Variants in MCPH1 observed in about 807,000 individuals in gnomAD.
The protein encoded by MCPH1 is microcephalin.
In MCPH1, 104 loss-of-function variants were observed where a neutral mutation model predicts 84.5. That is an observed-to-expected ratio of 1.23 (90% confidence interval 1.05 to 1.45). MCPH1 has a LOEUF of 1.45. Among genes scored for constraint, MCPH1 ranks in the 40% most tolerant of loss-of-function variants. The pLI is 0.00. For synonymous variants in MCPH1, 514 were observed against 366.8 expected (o/e 1.40, Z -4.58); for missense variants, 1,498 against 1,005.7 (o/e 1.49, Z -6.62).
chr8:6,487,786 A>T (rs1383527197), intron 11 of MCPH1, among the ~76,000 whole-genome samples: 1 of 152,196 alleles, frequency 6.6e-6, no homozygotes, highest in Non-Finnish European at 1.5e-5. Flanking sequence ...ACCTTGGTAA[A>T]GGACTTTATA....
At chr8:6,565,492 A>G (rs1000014087) in intron 12 of MCPH1, among the ~76,000 whole-genome samples, 3 of 152,130 alleles carry the variant, frequency 2.0e-5, no homozygotes, top group African/African-American at 4.8e-5. Context: ...AACTCCTGGC[A>G]TCCAATGATC....
At chr8:6,566,555 C>G (rs1209548204) in intron 12 of MCPH1, among the ~76,000 whole-genome samples, 1 of 152,176 alleles carries the variant, frequency 6.6e-6, no homozygotes, top group South Asian at 2.1e-4. Flanking sequence ...ATTAACAGGG[C>G]ACACAGCACG....
intron 12 of MCPH1, among the ~76,000 whole-genome samples, chr8:6,583,138 A>C (rs893152610): frequency 6.6e-6 from 1 of 152,074 alleles, no homozygotes; most frequent in Admixed American, 6.5e-5. Flanking sequence ...GCCTCGCTGA[A>C]TATTAGAGGC....
At chr8:6,412,639 C>G (rs1205279161) in intron 2 of MCPH1, among the ~76,000 whole-genome samples, 6 of 152,110 alleles carry the variant, frequency 3.9e-5, no homozygotes, top group Admixed American at 1.3e-4. Flanking sequence ...ACCCCCTTGT[C>G]TCTTTGAGGC....
chr8:6,581,019 A>G (rs1208681384), intron 12 of MCPH1, among the ~76,000 whole-genome samples: 1 of 152,260 alleles, frequency 6.6e-6, no homozygotes, highest in African/African-American at 2.4e-5. Context: ...AACTATTTAC[A>G]TAGCATTTAC....
intron 12 of MCPH1, among the ~76,000 whole-genome samples, chr8:6,608,640 G>A (rs563794621): frequency 2.6e-4 from 39 of 152,142 alleles, no homozygotes; most frequent in Non-Finnish European, 4.4e-4. Context: ...CATTAGAATC[G>A]TCTGGGGAGA....
rs182345135 is a variant in MCPH1, at chr8:6,448,412, C to T, written c.1825+2865C>T. ...AAGGAGGTTGGAGAGGGGTAAGAGC[C>T]AGAGCTTTGGGACCTTCAGTCTCTG... On this transcript the variant is annotated intron_variant, in intron 8 of 13. Coordinates refer to ENST00000344683, the MANE Select transcript of MCPH1 (RefSeq NM_024596.5). Among the ~76,000 whole-genome samples, 576 of 152,294 alleles carry T rather than the reference C, an allele frequency of 3.8e-3. 2 individuals carry two copies. Among genetic ancestry groups the T allele is most frequent in the Non-Finnish European group, 6.9e-3 (472 of 68,028 alleles).
chr8:6,462,991 G>A (rs1264918674), intron 9 of MCPH1, among the ~76,000 whole-genome samples: 1 of 152,158 alleles, frequency 6.6e-6, no homozygotes, highest in Non-Finnish European at 1.5e-5. Context: ...TAATGAAAAT[G>A]ACCCTCAAAA....
At chr8:6,573,942 T>A (rs1036763995) in intron 12 of MCPH1, among the ~76,000 whole-genome samples, 1 of 152,206 alleles carries the variant, frequency 6.6e-6, no homozygotes, top group Admixed American at 6.5e-5. Context: ...TCCCCTAGGT[T>A]TGTGGAAGAA....
rs924619637 is a variant in MCPH1, at chr8:6,613,839, G to T, written c.2215-7615G>T. 5.9e-5 allele frequency among the ~76,000 whole-genome samples: 9 copies of T among 152,150 alleles called. No individual in the cohort carries two copies. In the South Asian group the frequency reaches 8.3e-4, roughly 14 times the overall value. On this transcript the variant is annotated intron_variant, in intron 12 of 13. Transcript: ENST00000344683. ...GGACGCTTTGAGGTGGCAGCCAGGG[G>T]CAGGGATGCTTTTGATCGCCAAGGG...
intron 12 of MCPH1, among the ~76,000 whole-genome samples, chr8:6,556,185 G>A (rs1371039291): frequency 6.6e-6 from 1 of 151,982 alleles, no homozygotes; most frequent in Non-Finnish European, 1.5e-5. Flanking sequence ...TGTTAAAGAG[G>A]TAATTTAAAA....
At chr8:6,584,110 A>G (rs928596096) in intron 12 of MCPH1, among the ~76,000 whole-genome samples, 4 of 152,292 alleles carry the variant, frequency 2.6e-5, no homozygotes, top group East Asian at 1.9e-4. Flanking sequence ...CACTTCCCAG[A>G]AACTTGCTAA....
At chr8:6,451,011 G>C (rs575865521) in intron 8 of MCPH1, among the ~76,000 whole-genome samples, 3 of 152,210 alleles carry the variant, frequency 2.0e-5, no homozygotes, top group African/African-American at 7.2e-5. Context: ...CCCAGCCTAT[G>C]GTATAGTACA....
intron 3 of MCPH1, among the ~76,000 whole-genome samples, chr8:6,415,370 C>G (rs1276248415): frequency 1.3e-5 from 2 of 150,986 alleles, no homozygotes; most frequent in Admixed American, 1.3e-4. Context: ...TCACTGCAGC[C>G]TCAGCCTCCT....
intron 13 of MCPH1, among the ~76,000 whole-genome samples, chr8:6,639,792 C>T (rs958439298): frequency 1.3e-5 from 2 of 152,044 alleles, no homozygotes; most frequent in South Asian, 2.1e-4. Context: ...AACCCTATGC[C>T]TAGAAGATCC....
Position 6,419,827 on chromosome 8 carries a change from T to C in MCPH1, c.233+4944T>C, listed in dbSNP as rs142086512. Among the ~76,000 whole-genome samples the C allele has an allele frequency of 4.3e-3, 648 of 152,244 alleles. 6 individuals carry two copies. Among genetic ancestry groups the C allele is most frequent in the African/African-American group, 0.015 (623 of 41,538 alleles). Reference sequence around the variant, plus strand: ...AATATTTGATTCAAGTTCAAGGGTTTTGTTATATTCTTCAGTTTTGTGTTT... The same window carrying C: ...AATATTTGATTCAAGTTCAAGGGTTCTGTTATATTCTTCAGTTTTGTGTTT... On this transcript the variant is annotated intron_variant, in intron 3 of 13. Transcript: ENST00000344683.
At chr8:6,573,528 C>T (rs545764158) in intron 12 of MCPH1, among the ~76,000 whole-genome samples, 2 of 152,320 alleles carry the variant, frequency 1.3e-5, no homozygotes, top group East Asian at 3.9e-4. Context: ...ATAATAAACA[C>T]ATATTCTGCT....
chr8:6,533,766 G>C (rs34196893), intron 12 of MCPH1, among the ~76,000 whole-genome samples: 1 of 151,930 alleles, frequency 6.6e-6, no homozygotes. Context: ...TAAAAACTTA[G>C]AATTCTTTAT....
At chr8:6,479,972 A>AT (rs1808977884) in intron 10 of MCPH1, among the ~76,000 whole-genome samples, 1 of 152,164 alleles carries the variant, frequency 6.6e-6, no homozygotes, top group Admixed American at 6.5e-5. Context: ...GATACTCAAT[A>AT]AATATTACAT....
Sources: gnomAD v4.1 joint callset for allele counts (sites outside exome capture counted in the v4.1 genomes callset) on GRCh38, gnomAD v4.1.1 for gene constraint, MANE v1.5 for transcripts, NCBI Gene and HGNC (gene_info 2026-07-23, HGNC 2026-07-21) for gene names.